Variants in MYO5B observed in about 807,000 individuals in gnomAD.
MYO5B encodes myosin VB, also known as unconventional myosin-Vb.
A neutral mutation model predicts 229.3 loss-of-function variants in MYO5B; 143 were observed. That is an observed-to-expected ratio of 0.62 (90% CI 0.54 to 0.72). The LOEUF (loss-of-function observed/expected upper bound fraction) is 0.72. Among genes scored for constraint, MYO5B ranks in the 30% least tolerant of loss-of-function variants. The pLI is 0.00. For synonymous variants in MYO5B, 918 were observed against 885.2 expected (o/e 1.04, Z -0.66); for missense variants, 2,321 against 2,331.0 (o/e 1.00, Z 0.09).
At chr18:49,960,123 T>C (rs1159225719) in intron 12 of MYO5B, among the ~76,000 whole-genome samples, 1 of 152,052 alleles carries the variant, frequency 6.6e-6, no homozygotes, top group Non-Finnish European at 1.5e-5. Flanking sequence ...ACACTTCTTA[T>C]CTAAACCCCA....
intron 1 of MYO5B, among the ~76,000 whole-genome samples, chr18:50,084,157 T>G (rs2031279162): frequency 6.6e-6 from 1 of 152,224 alleles, no homozygotes; most frequent in South Asian, 2.1e-4. Context: ...GTTTCAATTT[T>G]CCATCTGCAA....
rs552137647 is a variant in MYO5B at position 50,086,153 on chromosome 18, A to T, written c.28-30775T>A. Among the ~76,000 whole-genome samples the T allele has an allele frequency of 4.6e-5, 7 of 152,296 alleles. No individual in the cohort carries two copies. The South Asian group carries it at 1.2e-3, about 27-fold the overall frequency. On this transcript the variant is annotated intron_variant, in intron 1 of 39. Coordinates refer to ENST00000285039, the MANE Select transcript of MYO5B (RefSeq NM_001080467.3). ...GTTAAAGCAGACATCCATATCCTCA[A>T]CACCCTGTTTAACGGATTTATGGCC...
intron 31 of MYO5B, among the ~76,000 whole-genome samples, chr18:49,851,257 T>C (rs1345468411): frequency 6.6e-6 from 1 of 152,102 alleles, no homozygotes; most frequent in East Asian, 1.9e-4. Context: ...CCTCCCGAAA[T>C]GCTCAAGCAG....
intron 27 of MYO5B, among the ~76,000 whole-genome samples, chr18:49,864,730 C>T (rs143046881): frequency 2.8e-4 from 42 of 152,316 alleles, no homozygotes; most frequent in African/African-American, 9.9e-4. Context: ...ATAAGAATTC[C>T]TACAATCTAA....
intron 10 of MYO5B, among the ~76,000 whole-genome samples, chr18:49,972,535 A>G (rs2025702870): frequency 6.6e-6 from 1 of 152,240 alleles, no homozygotes; most frequent in Non-Finnish European, 1.5e-5. Context: ...CTGCATGTTA[A>G]TCTTCCTAAA....
At chr18:49,943,984 C>CG (rs1568040953) in intron 14 of MYO5B, among the ~76,000 whole-genome samples, 2 of 151,952 alleles carry the variant, frequency 1.3e-5, no homozygotes, top group African/African-American at 4.8e-5. Context: ...TCTGTGCATT[C>CG]GGGGGGCTAA....
chr18:49,823,833 G>T lies in MYO5B; in HGVS notation c.*2638C>A, dbSNP rs537047990. On this transcript the variant is annotated 3_prime_UTR_variant, in exon 40 of 40. Coordinates refer to ENST00000285039, the MANE Select transcript of MYO5B (RefSeq NM_001080467.3). ...CATTTACTATAAGTAAACAGGTCCCGTATAATACTTAAAACACAAGTTTTG... is the reference window on the plus strand; with the variant it reads ...CATTTACTATAAGTAAACAGGTCCCTTATAATACTTAAAACACAAGTTTTG... 6.6e-6 allele frequency: 1 copy of T among 152,502 alleles called. No individual in the cohort carries two copies. The highest frequency in any genetic ancestry group is 1.5e-5 in the Non-Finnish European group (1 of 68,030). 9.4% of individuals were successfully genotyped at this position (152,502 alleles called of 1,614,324 possible).
chr18:49,906,528 T>C lies in MYO5B; in HGVS notation c.2305A>G (p.Ile769Val), dbSNP rs370511121. 32 of 1,614,064 alleles carry C rather than the reference T, an allele frequency of 2.0e-5. No individual in the cohort carries two copies. The African/African-American group carries it at 4.0e-4, about 20-fold the overall frequency. ...LRADKFRTATIMIQKTVRGWL... is the reference protein window; with the variant it reads ...LRADKFRTATVMIQKTVRGWL... Reference sequence around the variant, plus strand: ...CCCCGGACAGTTTTCTGGATCATGATGGTGGCTGTCCGGAACTTGTCAGCC... The same window carrying C: ...CCCCGGACAGTTTTCTGGATCATGACGGTGGCTGTCCGGAACTTGTCAGCC... Residue 769 changes from isoleucine (I) to valine (V), a missense_variant, in exon 19 of 40, where the codon ATC (isoleucine) becomes GTC (valine). Coordinates refer to ENST00000285039, the MANE Select transcript of MYO5B (RefSeq NM_001080467.3).
intron 18 of MYO5B, among the ~76,000 whole-genome samples, chr18:49,911,826 A>C (rs1053515107): frequency 6.6e-6 from 1 of 152,144 alleles, no homozygotes; most frequent in Non-Finnish European, 1.5e-5. Context: ...GAGCGCTGCC[A>C]CAGAATTCCA....
At chr18:49,891,166 C>A (rs1447646672) in intron 22 of MYO5B, among the ~76,000 whole-genome samples, 1 of 152,164 alleles carries the variant, frequency 6.6e-6, no homozygotes, top group African/African-American at 2.4e-5. Context: ...TCCTCACACC[C>A]ACCCAGCCTA....
chr18:50,139,315 G>A (rs989469866), intron 1 of MYO5B, among the ~76,000 whole-genome samples: 12 of 152,198 alleles, frequency 7.9e-5, no homozygotes, highest in Non-Finnish European at 1.3e-4. Context: ...CTCATTTGGA[G>A]TCAGAAAAAA....
At chr18:49,860,324 T>G (rs1310644252) in intron 29 of MYO5B, among the ~76,000 whole-genome samples, 2 of 152,150 alleles carry the variant, frequency 1.3e-5, no homozygotes, top group African/African-American at 2.4e-5. Flanking sequence ...CACTTCCCCA[T>G]CCTTCTCCCA....
chr18:49,978,090 A>G (rs1238219452), intron 9 of MYO5B, among the ~76,000 whole-genome samples: 2 of 152,166 alleles, frequency 1.3e-5, no homozygotes, highest in Non-Finnish European at 2.9e-5. Flanking sequence ...GCCTTCTGGA[A>G]CTTCCTGCCG....
intron 31 of MYO5B, among the ~76,000 whole-genome samples, chr18:49,853,184 G>A (rs1401150696): frequency 2.0e-5 from 3 of 152,194 alleles, no homozygotes; most frequent in African/African-American, 7.2e-5. Flanking sequence ...CAGCAGCCAG[G>A]TAAAGCAGCT....
Position 49,992,397 on chromosome 18 carries a change from T to C in MYO5B, c.647A>G (p.Asn216Ser). ...IGNAKTTRNDNSSRFGKYIQI... is the reference protein window; with the variant it reads ...IGNAKTTRNDSSSRFGKYIQI... Reference sequence around the variant, plus strand: ...GATGTACTTGCCAAAACGGCTGCTGTTGTCATTGCGGGTGGTCTTGGCATT... The same window carrying C: ...GATGTACTTGCCAAAACGGCTGCTGCTGTCATTGCGGGTGGTCTTGGCATT... The change falls in exon 6 of 40, where the codon AAC (asparagine) becomes AGC (serine). Residue 216 changes from asparagine to serine, a missense_variant. Coordinates refer to ENST00000285039, the MANE Select transcript of MYO5B (RefSeq NM_001080467.3). The C allele has an allele frequency of 6.2e-7, 1 of 1,614,150 alleles. No individual in the cohort carries two copies. The highest frequency in any genetic ancestry group is 8.5e-7 in the Non-Finnish European group (1 of 1,180,024).
At chr18:50,013,147 C>T (rs2026180655) in intron 4 of MYO5B, among the ~76,000 whole-genome samples, 1 of 152,170 alleles carries the variant, frequency 6.6e-6, no homozygotes, top group Non-Finnish European at 1.5e-5. Context: ...AAGACAGACT[C>T]GCTTTAGTGG....
At position 49,929,609 on chromosome 18, in the gene MYO5B, A is replaced by AT; in HGVS notation, c.2004-12_2004-11insA. On this transcript the variant is annotated splice_polypyrimidine_tract_variant and intron_variant, in intron 16 of 39. Coordinates refer to ENST00000285039, the MANE Select transcript of MYO5B (RefSeq NM_001080467.3). The stretch of plus-strand genomic sequence containing the variant: ...CTCTTTGGGTCAAAGCTGCCAAAGG[A>AT]GAAAAAAAAAAAAAAAAGCAAGACA... 17 of 1,375,940 alleles carry AT rather than the reference A, an allele frequency of 1.2e-5. No individual in the cohort carries two copies. The highest frequency in any genetic ancestry group is 5.0e-5 in the African/African-American group (2 of 39,904). 85.2% of individuals were successfully genotyped at this position (1,375,940 alleles called of 1,614,324 possible). A position where few individuals can be genotyped will look rare whatever the true frequency, so the allele number is the denominator to read the frequency against.
intron 4 of MYO5B, among the ~76,000 whole-genome samples, chr18:50,024,380 C>T (rs2026309114): frequency 6.6e-6 from 1 of 152,142 alleles, no homozygotes; most frequent in Non-Finnish European, 1.5e-5. Context: ...TGGGATTCCA[C>T]CTCTCTCCTT....
At chr18:49,944,734 A>G (rs1384656303) in intron 14 of MYO5B, among the ~76,000 whole-genome samples, 4 of 152,030 alleles carry the variant, frequency 2.6e-5, no homozygotes, top group African/African-American at 9.7e-5. Flanking sequence ...TCTATCCACC[A>G]AGCATACAGC....
Sources: allele counts gnomAD v4.1 joint callset (sites outside exome capture counted in the v4.1 genomes callset), GRCh38; gene constraint gnomAD v4.1.1; transcripts MANE v1.5; gene names NCBI Gene and HGNC (gene_info 2026-07-23, HGNC 2026-07-21).